FAN1: variants seen among roughly 807,000 people sequenced by gnomAD.
FAN1 encodes the protein FANCD2 and FANCI associated nuclease 1.
FAN1 carries 91 observed loss-of-function variants against 104.9 expected under a neutral mutation model. The observed-to-expected ratio is 0.87, with a 90% CI of 0.73 to 1.03. The LOEUF (loss-of-function observed/expected upper bound fraction) is 1.03. Among genes scored for constraint, FAN1 ranks in the 50% least tolerant of loss-of-function variants. The pLI, the probability that FAN1 is intolerant of heterozygous loss-of-function variation, is 0.00. For missense variants in FAN1, 1,263 were observed against 1,239.9 expected, an observed-to-expected ratio of 1.02 and a Z score of -0.28; for synonymous variants, 478 against 457.6, an observed-to-expected ratio of 1.04 and a Z score of -0.57.
chr15:30,930,020 T>A (rs2062664133), intron 12 of FAN1, among the ~76,000 whole-genome samples: 1 of 137,002 alleles, frequency 7.3e-6, no homozygotes, highest in African/African-American at 2.7e-5. Flanking sequence ...ATAAAATATA[T>A]AATAATATAT....
chr15:30,905,082 A>C lies in FAN1; in HGVS notation c.419A>C (p.Asp140Ala), dbSNP rs765133923. ...AATGATGTGGTGTGCAAAAATCAAGATGAGCTGAGAAATCGTAGTGTGAAA... is the reference window on the plus strand; with the variant it reads ...AATGATGTGGTGTGCAAAAATCAAGCTGAGCTGAGAAATCGTAGTGTGAAA... ...KSNDVVCKNQDELRNRSVKVI... is the reference protein window; with the variant it reads ...KSNDVVCKNQAELRNRSVKVI... The change falls in exon 2 of 15, where the codon GAT becomes GCT. Residue 140 changes from aspartate (D) to alanine (A), a missense_variant. Asp to Ala is a moderately radical substitution (Grantham distance 126). Transcript: ENST00000362065. 1 of 1,614,046 alleles carries C rather than the reference A, an allele frequency of 6.2e-7. No individual in the cohort carries two copies. Among genetic ancestry groups the C allele is most frequent in the East Asian group, 2.2e-5 (1 of 44,884 alleles).
At chr15:30,933,761 TTTTG>T (rs1337266291) in intron 13 of FAN1, among the ~76,000 whole-genome samples, 1 of 139,588 alleles carries the variant, frequency 7.2e-6, no homozygotes, top group Non-Finnish European at 1.5e-5. Flanking sequence ...TTCTTTTTTT[TTTTG>T]TTTTTGTTTT....
At chr15:30,912,806 C>T (rs895355109) in intron 4 of FAN1, among the ~76,000 whole-genome samples, 1 of 152,140 alleles carries the variant, frequency 6.6e-6, no homozygotes, top group Admixed American at 6.5e-5. Flanking sequence ...TGCTGAGCAT[C>T]CTATAATTTA....
intron 4 of FAN1, among the ~76,000 whole-genome samples, chr15:30,912,613 C>G (rs1291316803): frequency 1.3e-5 from 2 of 152,196 alleles, no homozygotes; most frequent in Non-Finnish European, 2.9e-5. Flanking sequence ...TCTCCCACAC[C>G]CTCTGGGATG....
intron 10 of FAN1, 77 bp from the exon 11 acceptor site, chr15:30,928,476 G>A: frequency 6.3e-7 from 1 of 1,574,974 alleles, no homozygotes; most frequent in Middle Eastern, 1.8e-4. Flanking sequence ...GGTTATGGTG[G>A]TGTTTTGGAA....
chr15:30,914,996 T>C (rs2062172349), intron 5 of FAN1, among the ~76,000 whole-genome samples: 1 of 152,154 alleles, frequency 6.6e-6, no homozygotes, highest in East Asian at 1.9e-4. Flanking sequence ...TGAAGAGATA[T>C]TTGTACTCCC....
At chr15:30,937,037 T>C in intron 13 of FAN1, 82 bp from the exon 14 acceptor site, 4 of 1,109,440 alleles carry the variant, frequency 3.6e-6, no homozygotes, top group Non-Finnish European at 5.3e-6. Context: ...TTTAAATAGT[T>C]GTCAGTGACA....
intron 12 of FAN1, 99 bp downstream of exon 12, chr15:30,929,496 G>T: frequency 4.2e-6 from 3 of 711,112 alleles, no homozygotes; most frequent in Non-Finnish European, 6.9e-6. Context: ...GTGTGTATAT[G>T]TAAATACATG....
At position 30,910,576 on chromosome 15, in the gene FAN1, G is replaced by T. The variant is rs756453952; in HGVS notation, c.1376-38G>T. On this transcript the variant is annotated intron_variant, in intron 3 of 14. Transcript: ENST00000362065. ...CTAAGGTAAATAAAGCTAGAAAATA[G>T]TAAAATTTAAAAAAACTTTTTTTTT... The T allele has an allele frequency of 3.7e-6, 5 of 1,361,336 alleles. No individual in the cohort carries two copies. In the East Asian group the frequency reaches 9.5e-5, roughly 26 times the overall value. The allele number at this position is 1,361,336 out of a possible 1,614,324, so 84.3% of individuals were successfully genotyped here. A position where few individuals can be genotyped will look rare whatever the true frequency, so the allele number is the denominator to read the frequency against.
At chr15:30,916,855 A>G (rs1214921387) in intron 5 of FAN1, among the ~76,000 whole-genome samples, 1 of 152,190 alleles carries the variant, frequency 6.6e-6, no homozygotes, top group Non-Finnish European at 1.5e-5. Flanking sequence ...ATTGAGGGAC[A>G]GGCTGGATAA....
intron 8 of FAN1, among the ~76,000 whole-genome samples, chr15:30,924,411 T>C (rs2062408188): frequency 6.6e-6 from 1 of 152,222 alleles, no homozygotes; most frequent in Non-Finnish European, 1.5e-5. Flanking sequence ...GTGGCTGAAC[T>C]GTTTTTCACA....
intron 8 of FAN1, 61 bp downstream of exon 8, chr15:30,922,415 T>C (rs2062356039): frequency 2.0e-6 from 3 of 1,513,510 alleles, no homozygotes; most frequent in Middle Eastern, 1.7e-4. Flanking sequence ...TTTTAAAATA[T>C]GGCAAACTTA....
At position 30,918,298 on chromosome 15, in the gene FAN1, G is replaced by T. The variant is rs2062237495; in HGVS notation, c.1943+3G>T. On this transcript the variant is annotated splice_donor_region_variant and intron_variant, in intron 6 of 14. Transcript: ENST00000362065. ...CTGAAAAACCACCCTTCTCTGAGGT[G>T]AGAGTTTTTCTAGGTACCTGCCAAA... 1 of 1,613,714 alleles carries T rather than the reference G, an allele frequency of 6.2e-7. No individual in the cohort carries two copies. Among genetic ancestry groups the T allele is most frequent in the Non-Finnish European group, 8.5e-7 (1 of 1,179,928 alleles).
rs1329304980 is a variant in FAN1 at position 30,941,613 on chromosome 15, T to TC, written c.*55dup. The TC allele has an allele frequency of 1.2e-6, 2 of 1,601,848 alleles. No homozygotes were observed. Among genetic ancestry groups the TC allele is most frequent in the Non-Finnish European group, 1.7e-6 (2 of 1,173,914 alleles). ...AATGAGGAGGAGAGAAACTCCGGTG[T>TC]CCCCGAGGTGTCGGTGTGGTGAGGG... On this transcript the variant is annotated 3_prime_UTR_variant, in exon 15 of 15. Coordinates refer to ENST00000362065, the MANE Select transcript of FAN1 (RefSeq NM_014967.5).
chr15:30,925,103 A>T (rs1327561890), intron 8 of FAN1, 24 bp from the exon 9 acceptor site: 2 of 1,592,202 alleles, frequency 1.3e-6, no homozygotes, highest in Non-Finnish European at 1.7e-6. Flanking sequence ...TAGGAGCCTG[A>T]TGTGTGACCA....
intron 12 of FAN1, 77 bp from the exon 13 acceptor site, chr15:30,930,466 C>T (rs368466807): frequency 3.2e-5 from 48 of 1,501,460 alleles, no homozygotes; most frequent in African/African-American, 4.2e-5. Flanking sequence ...AGCTTTTCTC[C>T]GTCTCGTGAT....
intron 2 of FAN1, among the ~76,000 whole-genome samples, 154 bp downstream of exon 2, chr15:30,906,051 C>G (rs1293204047): frequency 1.3e-5 from 2 of 151,896 alleles, no homozygotes; most frequent in Admixed American, 1.3e-4. Context: ...GGAGCATAGT[C>G]GAAGGTTTTA....
intron 12 of FAN1, 120 bp from the exon 13 acceptor site, chr15:30,930,422 TG>T: frequency 8.6e-7 from 1 of 1,159,440 alleles, no homozygotes; most frequent in Non-Finnish European, 1.2e-6. Flanking sequence ...ATGGTGGGCC[TG>T]GGGTCCATGT....
At chr15:30,928,006 G>GAAA (rs2062509016) in intron 10 of FAN1, 1 of 985,774 alleles carries the variant, frequency 1.0e-6, no homozygotes, top group Middle Eastern at 5.2e-4. Flanking sequence ...TTGACTATCG[G>GAAA]AAGCACTGGG....
Sources: allele counts gnomAD v4.1 joint callset (sites outside exome capture counted in the v4.1 genomes callset), GRCh38; gene constraint gnomAD v4.1.1; transcripts MANE v1.5; gene names NCBI Gene and HGNC (gene_info 2026-07-23, HGNC 2026-07-21).